Variants in IGSF21 observed in about 807,000 individuals in gnomAD.
IGSF21 encodes immunoglobin superfamily member 21.
A neutral mutation model predicts 46.8 loss-of-function variants in IGSF21; 28 were observed. The ratio of observed to expected loss-of-function variants is 0.60; its 90% CI spans 0.44 to 0.82. IGSF21 has a LOEUF of 0.82. IGSF21 is among the 40% of genes least tolerant of loss of function. The pLI is 0.00. For synonymous variants in IGSF21, 284 were observed against 273.6 expected, an observed-to-expected ratio of 1.04 and a Z score of -0.38; for missense variants, 624 against 665.5, an observed-to-expected ratio of 0.94 and a Z score of 0.69.
chr1:18,188,798 A>G (rs2086928043), intron 1 of IGSF21, among the ~76,000 whole-genome samples: 1 of 152,238 alleles, frequency 6.6e-6, no homozygotes, highest in African/African-American at 2.4e-5. Flanking sequence ...CAGTTGATCA[A>G]GGACTCATAG....
At chr1:18,221,000 A>G (rs75647029) in intron 1 of IGSF21, among the ~76,000 whole-genome samples, 2,821 of 152,198 alleles carry the variant, frequency 0.019, 67 homozygotes, top group African/African-American at 0.065. Context: ...GGGCGTGCAT[A>G]TTAGAGAAAT....
chr1:18,162,875 T>G (rs1259726168), intron 1 of IGSF21, among the ~76,000 whole-genome samples: 2 of 151,970 alleles, frequency 1.3e-5, no homozygotes, highest in Non-Finnish European at 2.9e-5. Flanking sequence ...CTGGGGACAA[T>G]GATGGTAAGT....
intron 1 of IGSF21, among the ~76,000 whole-genome samples, chr1:18,177,263 A>G (rs190479443): frequency 1.4e-3 from 115 of 79,372 alleles, no homozygotes; most frequent in African/African-American, 5.4e-3. Context: ...TGAAGGACTC[A>G]GACAACAGGG....
chr1:18,273,165 A>G (rs1362646104), intron 2 of IGSF21, among the ~76,000 whole-genome samples: 2 of 149,714 alleles, frequency 1.3e-5, no homozygotes, highest in East Asian at 2.0e-4. Context: ...CATGCCTCAG[A>G]CAGTAGCTGG....
rs183860770 is a variant in IGSF21, at chr1:18,309,495, G to A, written c.305+17508G>A. 1.1e-3 allele frequency among the ~76,000 whole-genome samples: 162 copies of A among 152,264 alleles called. 1 individual carries two copies. The highest frequency in any genetic ancestry group is 3.8e-3 in the African/African-American group (158 of 41,560). On this transcript the variant is annotated intron_variant, in intron 3 of 9. Coordinates refer to ENST00000251296, the MANE Select transcript of IGSF21 (RefSeq NM_032880.5). Reference sequence around the variant, plus strand: ...ACCCAGGCAGTCAGGTTAGGGTACTGGCCCTTCTCCACTAGACCACACCCC... The same window carrying A: ...ACCCAGGCAGTCAGGTTAGGGTACTAGCCCTTCTCCACTAGACCACACCCC...
intron 3 of IGSF21, among the ~76,000 whole-genome samples, chr1:18,306,936 T>C (rs1057204320): frequency 8.5e-5 from 13 of 152,334 alleles, no homozygotes; most frequent in African/African-American, 2.9e-4. Flanking sequence ...GGACTGGGGC[T>C]GAAAACCTGC....
intron 1 of IGSF21, among the ~76,000 whole-genome samples, chr1:18,153,424 A>G (rs2086538937): frequency 6.6e-6 from 1 of 152,192 alleles, no homozygotes; most frequent in Non-Finnish European, 1.5e-5. Context: ...GACATCTGCA[A>G]TGTAGCCCCA....
At chr1:18,198,679 A>G (rs2087034386) in intron 1 of IGSF21, among the ~76,000 whole-genome samples, 2 of 152,010 alleles carry the variant, frequency 1.3e-5, no homozygotes, top group South Asian at 4.2e-4. Flanking sequence ...AATGTATGGG[A>G]TCAAGAGAGA....
intron 2 of IGSF21, among the ~76,000 whole-genome samples, chr1:18,272,918 G>A (rs921767795): frequency 2.0e-4 from 30 of 152,100 alleles, no homozygotes; most frequent in African/African-American, 7.0e-4. Context: ...GAATGGACAA[G>A]AGGCCCAGCC....
At chr1:18,284,373 T>C (rs2124558933) in intron 2 of IGSF21, among the ~76,000 whole-genome samples, 1 of 152,298 alleles carries the variant, frequency 6.6e-6, no homozygotes, top group East Asian at 1.9e-4. Flanking sequence ...CATGCTAGGC[T>C]CCTGGGATCA....
intron 5 of IGSF21, 55 bp downstream of exon 5, chr1:18,362,285 G>A (rs536876580): frequency 2.1e-5 from 27 of 1,307,252 alleles, no homozygotes; most frequent in South Asian, 3.8e-5. Context: ...ACCCTGCTTC[G>A]GGGCTGGTCC....
intron 1 of IGSF21, among the ~76,000 whole-genome samples, chr1:18,203,765 A>T (rs950657041): frequency 3.3e-5 from 5 of 152,222 alleles, no homozygotes; most frequent in Non-Finnish European, 7.3e-5. Flanking sequence ...CTCCAGTATT[A>T]GTTCTTTCTA....
intron 1 of IGSF21, among the ~76,000 whole-genome samples, chr1:18,133,442 T>C (rs920145426): frequency 3.9e-5 from 6 of 152,252 alleles, no homozygotes; most frequent in Admixed American, 3.3e-4. Context: ...TTCACCTCTC[T>C]GGGCGCCCCC....
intron 3 of IGSF21, among the ~76,000 whole-genome samples, chr1:18,321,935 C>G (rs538774216): frequency 3.3e-5 from 5 of 152,144 alleles, no homozygotes; most frequent in Admixed American, 3.3e-4. Flanking sequence ...GGCCGGGTGA[C>G]AATAACAACA....
intron 1 of IGSF21, among the ~76,000 whole-genome samples, chr1:18,215,373 CT>C (rs2084434028): frequency 6.6e-6 from 1 of 152,186 alleles, no homozygotes; most frequent in Non-Finnish European, 1.5e-5. Context: ...GGCTCCCAGT[CT>C]GCTGTGGGAA....
intron 2 of IGSF21, among the ~76,000 whole-genome samples, chr1:18,235,801 G>A (rs1343665195): frequency 6.6e-6 from 1 of 152,220 alleles, no homozygotes; most frequent in Non-Finnish European, 1.5e-5. Context: ...CTTCTGGGTG[G>A]AGAATGGTTT....
chr1:18,349,861 C>T (rs924299435), intron 4 of IGSF21, among the ~76,000 whole-genome samples: 3 of 151,694 alleles, frequency 2.0e-5, no homozygotes, highest in African/African-American at 7.3e-5. Context: ...AAGTTCAAGA[C>T]CAGCTTGGAC....
intron 1 of IGSF21, among the ~76,000 whole-genome samples, chr1:18,183,741 G>A (rs906744109): frequency 6.6e-6 from 1 of 152,168 alleles, no homozygotes; most frequent in African/African-American, 2.4e-5. Context: ...ATGGTGGGTT[G>A]AACTGTGTAG....
intron 2 of IGSF21, among the ~76,000 whole-genome samples, chr1:18,275,464 C>A (rs932970213): frequency 6.6e-6 from 1 of 152,152 alleles, no homozygotes; most frequent in Non-Finnish European, 1.5e-5. Context: ...CCTCTCCCAC[C>A]GGGAGTGTCT....
Sources: allele counts gnomAD v4.1 joint callset (sites outside exome capture counted in the v4.1 genomes callset), GRCh38; gene constraint gnomAD v4.1.1; transcripts MANE v1.5; gene names NCBI Gene and HGNC (gene_info 2026-07-23, HGNC 2026-07-21).